The following SYNE2 variants were observed in gnomAD, a reference collection of about 807,000 sequenced individuals.
SYNE2 encodes the protein spectrin repeat containing nuclear envelope protein 2, also known as nesprin-2.
In SYNE2, 431 loss-of-function variants were observed where a neutral mutation model predicts 856.3. The ratio of observed to expected loss-of-function variants is 0.50; its 90% CI spans 0.47 to 0.55. The LOEUF (loss-of-function observed/expected upper bound fraction) is 0.55, where lower values mean the gene tolerates loss of function less well. SYNE2 is among the 20% of genes least tolerant of loss of function. SYNE2 has a pLI of 0.00. For missense variants in SYNE2, 8,129 were observed against 8,023.2 expected (o/e 1.01, Z -0.50); for synonymous variants, 2,923 against 2,872.3 (o/e 1.02, Z -0.56).
At chr14:63,900,652 C>G (rs747299072) in intron 1 of SYNE2, among the ~76,000 whole-genome samples, 7 of 152,100 alleles carry the variant, frequency 4.6e-5, no homozygotes, top group Non-Finnish European at 7.4e-5. Flanking sequence ...GTTGTTCTGG[C>G]ATTTGTGTGG....
intron 1 of SYNE2, among the ~76,000 whole-genome samples, chr14:63,780,384 C>A (rs1887264796): frequency 1.3e-5 from 2 of 151,798 alleles, no homozygotes; most frequent in Admixed American, 1.3e-4. Context: ...AAATACAAAA[C>A]TTAGCTGGGC....
intron 94 of SYNE2, 133 bp from the exon 95 acceptor site, chr14:64,174,811 C>A: frequency 1.3e-6 from 1 of 778,098 alleles, no homozygotes; most frequent in Non-Finnish European, 2.1e-6. Flanking sequence ...TATGTACATT[C>A]TGACCCAATT....
intron 107 of SYNE2, chr14:64,215,733 G>GGT (rs942763039): frequency 3.9e-5 from 16 of 406,552 alleles, no homozygotes; most frequent in African/African-American, 3.0e-4. Context: ...GGTGGAAAGG[G>GGT]GTGGGGGGTT....
chr14:63,859,078 C>A (rs1262548585), intron 1 of SYNE2, among the ~76,000 whole-genome samples: 1 of 152,114 alleles, frequency 6.6e-6, no homozygotes, highest in African/African-American at 2.4e-5. Context: ...GTCTGGAAAC[C>A]ATGTCTGGTG....
At chr14:64,078,443 A>G (rs766999193) in intron 54 of SYNE2, 23 bp from the exon 55 acceptor site, 1 of 1,612,636 alleles carries the variant, frequency 6.2e-7, no homozygotes, top group Non-Finnish European at 8.5e-7. Context: ...TCTAAGCCAA[A>G]TGCGTCTTTG....
At chr14:63,779,439 CAAA>C (rs35015201) in intron 1 of SYNE2, among the ~76,000 whole-genome samples, 9 of 118,302 alleles carry the variant, frequency 7.6e-5, no homozygotes, top group Admixed American at 8.7e-5. Context: ...TGACTGGTCT[CAAA>C]AAAAAAAAAA....
Position 64,126,726 on chromosome 14 carries a change from C to T in SYNE2, c.13836C>T (p.Val4612=). ...LLLECFDNLQ[V]CLEHTQAAAV... ...TTGAATGTTTTGACAACCTTCAAGTCTGCCTGGAGCACACTCAGGCTGCAG... is the reference window on the plus strand; with the variant it reads ...TTGAATGTTTTGACAACCTTCAAGTTTGCCTGGAGCACACTCAGGCTGCAG... The change falls in exon 73 of 116, where the codon GTC becomes GTT. Residue 4612 remains valine (V), a synonymous_variant. Coordinates refer to ENST00000555002, the MANE Select transcript of SYNE2 (RefSeq NM_182914.3). 1 of 1,614,200 alleles carries T rather than the reference C, an allele frequency of 6.2e-7. No homozygotes were observed. The highest frequency in any genetic ancestry group is 1.1e-5 in the South Asian group (1 of 91,086).
At chr14:64,076,335 C>T (rs1240809324) in intron 54 of SYNE2, among the ~76,000 whole-genome samples, 3 of 152,144 alleles carry the variant, frequency 2.0e-5, no homozygotes, top group Admixed American at 6.5e-5. Flanking sequence ...TTATTCTTCT[C>T]TTGCATTTTA....
chr14:64,009,916 G>A (rs572767017), intron 31 of SYNE2, 50 bp from the exon 32 acceptor site: 3 of 1,528,198 alleles, frequency 2.0e-6, no homozygotes, highest in South Asian at 1.1e-5. Flanking sequence ...GAGAAAGAAC[G>A]GTTTTGCTAT....
intron 78 of SYNE2, among the ~76,000 whole-genome samples, chr14:64,137,362 G>A (rs906637490): frequency 2.6e-5 from 4 of 152,130 alleles, no homozygotes; most frequent in Non-Finnish European, 4.4e-5. Context: ...ACCAAGTCCC[G>A]CCTCAGCCTC....
intron 1 of SYNE2, among the ~76,000 whole-genome samples, chr14:63,815,040 CCA>C (rs1365162181): frequency 1.4e-5 from 1 of 72,850 alleles, no homozygotes; most frequent in African/African-American, 4.6e-5. Flanking sequence ...ATATATACAT[CCA>C]CATATATATA....
At chr14:63,889,072 A>T (rs1375350116) in intron 1 of SYNE2, among the ~76,000 whole-genome samples, 1 of 140,180 alleles carries the variant, frequency 7.1e-6, no homozygotes. Context: ...AAAAAAAAAA[A>T]GGGTAAAGAC....
Position 63,942,036 on chromosome 14 carries a change from C to G in SYNE2, c.316-15C>G, listed in dbSNP as rs533213682. On this transcript the variant is annotated splice_polypyrimidine_tract_variant and intron_variant, in intron 5 of 115. Transcript: ENST00000555002. ...GGATATTTCCTCCTTTTAACCTGCA[C>G]TTTTTGTTTTCCAGATTAAGCTAAT... 1.9e-6 allele frequency: 3 copies of G among 1,602,106 alleles called. No individual in the cohort carries two copies. The South Asian group carries it at 3.3e-5, about 18-fold the overall frequency.
At chr14:64,101,163 G>T (rs1319265736) in intron 63 of SYNE2, among the ~76,000 whole-genome samples, 1 of 152,104 alleles carries the variant, frequency 6.6e-6, no homozygotes, top group East Asian at 1.9e-4. Flanking sequence ...CTTTGGATAT[G>T]TACTCAGTAG....
Position 64,021,345 on chromosome 14 carries a change from G to A in SYNE2, c.5182G>A (p.Glu1728Lys), listed in dbSNP as rs780913929. 1 of 1,614,030 alleles carries A rather than the reference G, an allele frequency of 6.2e-7. No individual in the cohort carries two copies. The highest frequency in any genetic ancestry group is 2.2e-5 in the East Asian group (1 of 44,876). Residue 1728 changes from glutamate (E) to lysine (K), a missense_variant, in exon 36 of 116, where the codon GAA becomes AAA. Glu to Lys is a moderately conservative substitution (Grantham distance 56). Around this residue, in one of 3 missense-constraint regions of SYNE2, gnomAD observed 2,422 missense variants for 2,357.4 expected, o/e 1.03. Coordinates refer to ENST00000555002, the MANE Select transcript of SYNE2 (RefSeq NM_182914.3). ...GGAGTCCTCTATTTTGAACAAGATG[G>A]AACATGTACAGAAGTGCTTAACAGG... ...VMESSILNKMEHVQKCLTGES... is the reference protein window; with the variant it reads ...VMESSILNKMKHVQKCLTGES...
chr14:64,174,010 G>C, intron 94 of SYNE2: 1 of 636,164 alleles, frequency 1.6e-6, no homozygotes, highest in Non-Finnish European at 2.8e-6. Flanking sequence ...TCACGGAGCT[G>C]TAACACCGCC....
chr14:63,837,276 C>A (rs1889890126), intron 1 of SYNE2, among the ~76,000 whole-genome samples: 1 of 152,076 alleles, frequency 6.6e-6, no homozygotes. Context: ...CTACATCACA[C>A]AATACACAAA....
intron 8 of SYNE2, among the ~76,000 whole-genome samples, 162 bp downstream of exon 8, chr14:63,955,077 C>T (rs1432957568): frequency 1.3e-5 from 2 of 152,170 alleles, no homozygotes; most frequent in Admixed American, 1.3e-4. Flanking sequence ...ACAATTCCTA[C>T]CAATTTGTTA....
chr14:64,045,569 CTCTT>C (rs555618104), intron 45 of SYNE2, among the ~76,000 whole-genome samples: 1 of 152,200 alleles, frequency 6.6e-6, no homozygotes, highest in South Asian at 2.1e-4. Context: ...TGTGGCACCT[CTCTT>C]TCTTCTTACA....
Sources: gnomAD v4.1 joint callset for allele counts (sites outside exome capture counted in the v4.1 genomes callset) on GRCh38, gnomAD v4.1.1 for gene constraint, gnomAD v4.1.1 regional missense constraint, MANE v1.5 for transcripts, NCBI Gene and HGNC (gene_info 2026-07-23, HGNC 2026-07-21) for gene names.